Variants in CADM2 observed in about 807,000 individuals in gnomAD.
CADM2 encodes the protein cell adhesion molecule 2.
CADM2 carries 12 observed loss-of-function variants against 49.8 expected under a neutral mutation model. That is an observed-to-expected ratio of 0.24 (90% CI 0.15 to 0.39). The LOEUF is 0.39. Ranked by LOEUF, CADM2 falls within the 10% of genes least tolerant of loss-of-function variation. The probability of loss-of-function intolerance (pLI) is 1.00; values close to 1 mark genes in which losing one functional copy is unlikely to be tolerated. For synonymous variants in CADM2, 214 were observed against 175.4 expected (o/e 1.22, Z -1.74); for missense variants, 378 against 492.3 (o/e 0.77, Z 2.20).
chr3:85,203,170 C>G (rs1247112311), intron 1 of CADM2, among the ~76,000 whole-genome samples: 1 of 152,198 alleles, frequency 6.6e-6, no homozygotes, highest in Non-Finnish European at 1.5e-5. Context: ...TTTGCACTCT[C>G]AACTTCAGTA....
intron 1 of CADM2, among the ~76,000 whole-genome samples, chr3:85,213,076 T>C (rs1455673516): frequency 1.3e-5 from 2 of 151,816 alleles, no homozygotes; most frequent in African/African-American, 4.8e-5. Flanking sequence ...AGAGACGGGG[T>C]TTCACCATGT....
chr3:85,188,062 C>A (rs189953614), intron 1 of CADM2, among the ~76,000 whole-genome samples: 1 of 151,796 alleles, frequency 6.6e-6, no homozygotes, highest in Non-Finnish European at 1.5e-5. Context: ...TCAATATTTT[C>A]AGTGTAATGC....
chr3:85,306,339 C>T (rs2044211903), intron 1 of CADM2, among the ~76,000 whole-genome samples: 3 of 151,712 alleles, frequency 2.0e-5, no homozygotes, highest in South Asian at 2.1e-4. Context: ...GATGACTTCT[C>T]TATGGTCAGT....
intron 1 of CADM2, among the ~76,000 whole-genome samples, chr3:85,614,436 G>A (rs2063749795): frequency 6.6e-6 from 1 of 151,686 alleles, no homozygotes; most frequent in Non-Finnish European, 1.5e-5. Context: ...TAATTATGAT[G>A]TTTCAGTTTA....
intron 1 of CADM2, among the ~76,000 whole-genome samples, chr3:84,978,496 A>G (rs2031969558): frequency 6.6e-6 from 1 of 152,148 alleles, no homozygotes; most frequent in Non-Finnish European, 1.5e-5. Context: ...ATCATTTTCC[A>G]TATTTCACAA....
intron 1 of CADM2, among the ~76,000 whole-genome samples, chr3:85,434,802 A>T (rs1465246737): frequency 6.6e-6 from 1 of 152,070 alleles, no homozygotes; most frequent in East Asian, 1.9e-4. Flanking sequence ...CTCAGTTCGT[A>T]AGTTACTTGC....
intron 5 of CADM2, among the ~76,000 whole-genome samples, chr3:85,895,054 G>C (rs1465375045): frequency 1.3e-5 from 2 of 152,314 alleles, no homozygotes; most frequent in East Asian, 3.9e-4. Flanking sequence ...TGTGAGAAGA[G>C]AGCCACTGTC....
At chr3:85,428,271 A>T (rs2107514526) in intron 1 of CADM2, among the ~76,000 whole-genome samples, 1 of 149,042 alleles carries the variant, frequency 6.7e-6, no homozygotes, top group East Asian at 1.9e-4. Flanking sequence ...AGTCAATAAT[A>T]GCTAAACTAC....
At chr3:85,084,033 T>C (rs567848434) in intron 1 of CADM2, among the ~76,000 whole-genome samples, 15 of 152,324 alleles carry the variant, frequency 9.8e-5, no homozygotes, top group African/African-American at 3.6e-4. Flanking sequence ...CCCTGCTGTT[T>C]TCAACTCTTG....
At chr3:85,938,173 TAA>T (rs1721409196) in intron 7 of CADM2, among the ~76,000 whole-genome samples, 1 of 152,100 alleles carries the variant, frequency 6.6e-6, no homozygotes, top group Non-Finnish European at 1.5e-5. Context: ...ATGAAGGCAT[TAA>T]TCTCTTTAAA....
chr3:85,749,783 C>A (rs1031173067), intron 2 of CADM2, among the ~76,000 whole-genome samples: 3 of 151,880 alleles, frequency 2.0e-5, no homozygotes, highest in African/African-American at 7.2e-5. Flanking sequence ...TCTACCATTC[C>A]TTTTGTTTTA....
chr3:85,306,116 T>A (rs2044206635), intron 1 of CADM2, among the ~76,000 whole-genome samples: 1 of 151,676 alleles, frequency 6.6e-6, no homozygotes, highest in African/African-American at 2.4e-5. Context: ...ATAGGTAGGT[T>A]AAAATATTTC....
chr3:85,248,429 C>G (rs935487317), intron 1 of CADM2, among the ~76,000 whole-genome samples: 24 of 152,092 alleles, frequency 1.6e-4, no homozygotes, highest in Non-Finnish European at 5.9e-5. Context: ...TGCACGCCAC[C>G]AGGCCCAGCT....
intron 3 of CADM2, among the ~76,000 whole-genome samples, chr3:85,804,361 C>T (rs1158063747): frequency 6.6e-6 from 1 of 151,854 alleles, no homozygotes; most frequent in African/African-American, 2.4e-5. Flanking sequence ...TACTTTTTTC[C>T]ATCCCTGTGT....
intron 1 of CADM2, among the ~76,000 whole-genome samples, chr3:85,679,291 C>G (rs532872891): frequency 1.3e-5 from 2 of 151,768 alleles, no homozygotes; most frequent in Non-Finnish European, 2.9e-5. Context: ...GCTAAGTATG[C>G]GCAGAGGATC....
chr3:85,580,395 T>C (rs2062761342), intron 1 of CADM2, among the ~76,000 whole-genome samples: 1 of 152,060 alleles, frequency 6.6e-6, no homozygotes, highest in African/African-American at 2.4e-5. Context: ...CTGTGGGTGG[T>C]AGTTTAAAAG....
At chr3:85,315,889 ATAT>A (rs2044453564) in intron 1 of CADM2, among the ~76,000 whole-genome samples, 1 of 152,136 alleles carries the variant, frequency 6.6e-6, no homozygotes, top group South Asian at 2.1e-4. Context: ...ATAATTATAT[ATAT>A]ATTTACGTAC....
chr3:85,307,689 C>A (rs1419424650), intron 1 of CADM2, among the ~76,000 whole-genome samples: 2 of 151,644 alleles, frequency 1.3e-5, no homozygotes, highest in African/African-American at 4.8e-5. Flanking sequence ...CCTCACTGTT[C>A]TGTCATCTCA....
intron 1 of CADM2, among the ~76,000 whole-genome samples, chr3:85,505,640 A>T (rs1400728325): frequency 1.3e-5 from 2 of 152,220 alleles, no homozygotes; most frequent in Non-Finnish European, 2.9e-5. Flanking sequence ...AACCTTTGTC[A>T]TAAAGTAGCC....
Sources: gnomAD v4.1 joint callset for allele counts (sites outside exome capture counted in the v4.1 genomes callset) on GRCh38, gnomAD v4.1.1 for gene constraint, MANE v1.5 for transcripts, NCBI Gene and HGNC (gene_info 2026-07-23, HGNC 2026-07-21) for gene names.